CHCHD3: variants seen among roughly 807,000 people sequenced by gnomAD.
CHCHD3 encodes MICOS complex subunit MIC19.
A neutral mutation model predicts 38.2 loss-of-function variants in CHCHD3; 20 were observed. The observed-to-expected ratio is 0.52, with a 90% CI of 0.37 to 0.76. The LOEUF is 0.76. Ranked by LOEUF, CHCHD3 falls within the 30% of genes least tolerant of loss-of-function variation. The pLI, the probability that CHCHD3 is intolerant of heterozygous loss-of-function variation, is 0.00. For synonymous variants in CHCHD3, 82 were observed against 100.0 expected, an observed-to-expected ratio of 0.82 and a Z score of 1.07; for missense variants, 245 against 279.2, an observed-to-expected ratio of 0.88 and a Z score of 0.87.
At chr7:132,994,597 G>GA (rs1354139099) in intron 3 of CHCHD3, among the ~76,000 whole-genome samples, 1 of 152,124 alleles carries the variant, frequency 6.6e-6, no homozygotes, top group Non-Finnish European at 1.5e-5. Flanking sequence ...ATTTTATTCT[G>GA]AAAAACTACT....
intron 5 of CHCHD3, among the ~76,000 whole-genome samples, chr7:132,871,268 G>A (rs1207404603): frequency 6.6e-6 from 1 of 151,950 alleles, no homozygotes; most frequent in Non-Finnish European, 1.5e-5. Context: ...ATAAGTTCAG[G>A]GTCAAATCCA....
chr7:132,806,680 T>A (rs1806928484), intron 6 of CHCHD3, among the ~76,000 whole-genome samples: 1 of 151,104 alleles, frequency 6.6e-6, no homozygotes, highest in South Asian at 2.1e-4. Flanking sequence ...GGCAGTGACA[T>A]CTCTAACAGA....
chr7:132,978,457 A>G (rs1258132728), intron 3 of CHCHD3, among the ~76,000 whole-genome samples: 1 of 152,152 alleles, frequency 6.6e-6, no homozygotes, highest in African/African-American at 2.4e-5. Flanking sequence ...GTTCACTGCT[A>G]TATCCCCCAT....
intron 4 of CHCHD3, among the ~76,000 whole-genome samples, chr7:132,911,915 A>G (rs1809960543): frequency 6.6e-6 from 1 of 152,230 alleles, no homozygotes; most frequent in Non-Finnish European, 1.5e-5. Context: ...GAACATTAAC[A>G]TGTCTACCCA....
At chr7:132,832,810 G>GA (rs1446422602) in intron 6 of CHCHD3, among the ~76,000 whole-genome samples, 1 of 152,190 alleles carries the variant, frequency 6.6e-6, no homozygotes, top group African/African-American at 2.4e-5. Context: ...CATTGACCAA[G>GA]AAACAGGAGG....
intron 1 of CHCHD3, among the ~76,000 whole-genome samples, chr7:133,078,323 T>A (rs1815063167): frequency 1.3e-5 from 2 of 152,062 alleles, no homozygotes; most frequent in Admixed American, 6.6e-5. Flanking sequence ...AATAAATAAA[T>A]ATTCAGCATA....
chr7:133,078,966 A>C (rs1472764218), intron 1 of CHCHD3, among the ~76,000 whole-genome samples: 1 of 152,250 alleles, frequency 6.6e-6, no homozygotes, highest in Admixed American at 6.5e-5. Flanking sequence ...GCTTATGGAC[A>C]TACTGAGAAT....
intron 6 of CHCHD3, among the ~76,000 whole-genome samples, chr7:132,808,552 C>G (rs921486006): frequency 1.3e-5 from 2 of 152,126 alleles, no homozygotes; most frequent in African/African-American, 2.4e-5. Context: ...CCATCTGAAG[C>G]CAGGGACTAC....
chr7:132,915,844 T>C (rs1473617064), intron 4 of CHCHD3, among the ~76,000 whole-genome samples: 1 of 152,170 alleles, frequency 6.6e-6, no homozygotes, highest in Non-Finnish European at 1.5e-5. Context: ...TCGTTAATGT[T>C]TAACTTTGTG....
intron 6 of CHCHD3, among the ~76,000 whole-genome samples, chr7:132,811,551 C>A (rs1807069883): frequency 6.6e-6 from 1 of 152,240 alleles, no homozygotes; most frequent in Non-Finnish European, 1.5e-5. Context: ...TACCTTCCAT[C>A]CATTCTTTTC....
At chr7:132,901,653 G>A (rs1319359593) in intron 4 of CHCHD3, among the ~76,000 whole-genome samples, 2 of 152,194 alleles carry the variant, frequency 1.3e-5, no homozygotes, top group Non-Finnish European at 2.9e-5. Context: ...CCTACTTGTT[G>A]ATGGGGTTGA....
chr7:133,015,344 A>AAAATT (rs1278736703), intron 3 of CHCHD3, among the ~76,000 whole-genome samples: 1 of 119,458 alleles, frequency 8.4e-6, no homozygotes, highest in African/African-American at 3.1e-5. Flanking sequence ...CAACGTCTCA[A>AAAATT]AAATTAAATA....
Position 132,788,921 on chromosome 7 carries a change from A to C in CHCHD3, c.661-3261T>G, listed in dbSNP as rs527463511. Among the ~76,000 whole-genome samples the C allele has an allele frequency of 2.0e-5, 3 of 152,324 alleles. No individual in the cohort carries two copies. The highest frequency in any genetic ancestry group is 6.5e-5 in the Admixed American group (1 of 15,302). On this transcript the variant is annotated intron_variant, in intron 7 of 7. Coordinates refer to ENST00000262570, the MANE Select transcript of CHCHD3 (RefSeq NM_017812.4). This position sits in a 1 kb window ranked among gnomAD's most constrained non-coding sequence, Gnocchi z 4.0. ...GGTGGTACAAAACCATCTCAATTCT[A>C]TCAGGGAAATTAACAAACACAATGG...
At chr7:132,934,916 A>G (rs1810600683) in intron 4 of CHCHD3, among the ~76,000 whole-genome samples, 1 of 152,210 alleles carries the variant, frequency 6.6e-6, no homozygotes, top group African/African-American at 2.4e-5. Flanking sequence ...ACAATATGGA[A>G]AAGATACAAG....
chr7:133,076,058 CAAAAAAAAAAA>C (rs58754100), intron 1 of CHCHD3, among the ~76,000 whole-genome samples: 11 of 63,696 alleles, frequency 1.7e-4, no homozygotes, highest in Admixed American at 1.1e-3. Context: ...GATTCTATCT[CAAAAAAAAAAA>C]AAAAAAAAAA....
At chr7:132,957,428 A>C (rs1359678369) in intron 4 of CHCHD3, among the ~76,000 whole-genome samples, 1 of 152,018 alleles carries the variant, frequency 6.6e-6, no homozygotes, top group Non-Finnish European at 1.5e-5. Flanking sequence ...TGAGGGTCTC[A>C]CCTCACTGGG....
At chr7:132,974,030 A>G (rs1168933274) in intron 4 of CHCHD3, 1 of 1,282,728 alleles carries the variant, frequency 7.8e-7, no homozygotes, top group Non-Finnish European at 1.0e-6. Context: ...TTTATCTATC[A>G]AATAACAATA....
At chr7:133,068,301 T>C (rs1436827401) in intron 2 of CHCHD3, among the ~76,000 whole-genome samples, 1 of 152,116 alleles carries the variant, frequency 6.6e-6, no homozygotes, top group Non-Finnish European at 1.5e-5. Flanking sequence ...GGTTACACTA[T>C]CCTAGGAGCT....
At chr7:132,869,238 A>C (rs865915267) in intron 5 of CHCHD3, among the ~76,000 whole-genome samples, 1 of 152,106 alleles carries the variant, frequency 6.6e-6, no homozygotes, top group South Asian at 2.1e-4. Context: ...GCCATCCCCA[A>C]ATGTCACAAC....
Sources: allele counts gnomAD v4.1 joint callset (sites outside exome capture counted in the v4.1 genomes callset), GRCh38; gene constraint gnomAD v4.1.1; non-coding constraint Gnocchi (gnomAD v3.1); transcripts MANE v1.5; gene names NCBI Gene and HGNC (gene_info 2026-07-23, HGNC 2026-07-21).